Variants in LRRC70 observed in about 807,000 individuals in gnomAD.
The protein encoded by LRRC70 is leucine-rich repeat-containing protein 70.
A neutral mutation model predicts 42.4 loss-of-function variants in LRRC70; 31 were observed. The observed-to-expected ratio is 0.73, with a 90% CI of 0.55 to 0.99. The LOEUF is 0.99. Among genes scored for constraint, LRRC70 ranks in the 50% least tolerant of loss-of-function variants. LRRC70 has a pLI of 0.00. For missense variants in LRRC70, 643 were observed against 707.5 expected, an observed-to-expected ratio of 0.91 and a Z score of 1.03; for synonymous variants, 270 against 262.9, an observed-to-expected ratio of 1.03 and a Z score of -0.26.
At position 62,579,560 on chromosome 5, in the gene LRRC70, G is replaced by A. The variant is rs1485609521; in HGVS notation, c.122G>A (p.Gly41Glu). ...GCSSVCQLCT[G>E]RQINCRNLGL... is the part of the protein sequence containing the mutation. ...TCGTCTGTTTGTCAGCTCTGCACTG[G>A]GAGACAAATTAACTGCCGTAACTTA... The change falls in exon 2 of 2, where the codon GGG becomes GAG. Residue 41 changes from glycine to glutamate, a missense_variant. Transcript: ENST00000334994. 1 of 1,551,040 alleles carries A rather than the reference G, an allele frequency of 6.4e-7. No homozygotes were observed. Among genetic ancestry groups the A allele is most frequent in the Non-Finnish European group, 8.7e-7 (1 of 1,146,572 alleles).
rs1744454023 is a variant in LRRC70, at chr5:62,579,398, T to TAGA, written c.-38-1_-38insAAG. 6.5e-7 allele frequency: 1 copy of TAGA among 1,536,380 alleles called. No individual in the cohort carries two copies. Among genetic ancestry groups the TAGA allele is most frequent in the Admixed American group, 2.0e-5 (1 of 50,876 alleles). On this transcript the variant is annotated splice_polypyrimidine_tract_variant and splice_region_variant and intron_variant, in intron 1 of 1. Coordinates refer to ENST00000334994, the MANE Select transcript of LRRC70 (RefSeq NM_181506.5). ...TTTAAAGCTTTACCTTCTCTTTTTATAGCCAATTCTGATCTGAACAGAAAA... is the reference window on the plus strand; with the variant it reads ...TTTAAAGCTTTACCTTCTCTTTTTATAGAAGCCAATTCTGATCTGAACAGAAAA...
chr5:62,580,672 T>C lies in LRRC70; in HGVS notation c.1234T>C (p.Ser412Pro). The C allele has an allele frequency of 6.4e-7, 1 of 1,551,422 alleles. No homozygotes were observed. The highest frequency in any genetic ancestry group is 8.7e-7 in the Non-Finnish European group (1 of 1,146,848). ...TNCVTSSINV[S>P]RAWAVVKSPH... ...TTGTGTTACATCTTCAATAAATGTA[T>C]CCAGAGCTTGGGCTGTTGTAAAATC... is the stretch of plus-strand genomic sequence containing the variant. Residue 412 changes from serine to proline, a missense_variant, in exon 2 of 2, where the codon TCC (serine) becomes CCC (proline). Physicochemically the swap from Ser to Pro is moderately conservative, Grantham distance 74. Transcript: ENST00000334994.
In LRRC70 at chr5:62,581,298, T is replaced by C. The variant is rs1301708334; in HGVS notation, c.1860T>C (p.Ser620=). Residue 620 remains serine, a synonymous_variant, in exon 2 of 2, where the codon TCT becomes TCC. Coordinates refer to ENST00000334994, the MANE Select transcript of LRRC70 (RefSeq NM_181506.5). ...NEAQVILFEH[S]AL ...CACAGGTCATTCTTTTTGAACATTCTGCTTTATAACTCAACTAAATATTGT... is the reference window on the plus strand; with the variant it reads ...CACAGGTCATTCTTTTTGAACATTCCGCTTTATAACTCAACTAAATATTGT... 2 of 1,513,434 alleles carry C rather than the reference T, an allele frequency of 1.3e-6. No homozygotes were observed. The highest frequency in any genetic ancestry group is 2.8e-5 in the African/African-American group (2 of 71,232). 93.8% of individuals were successfully genotyped at this position (1,513,434 alleles called of 1,614,324 possible). A position where few individuals can be genotyped will look rare whatever the true frequency, so the allele number is the denominator to read the frequency against.
chr5:62,581,077 T>C lies in LRRC70; in HGVS notation c.1639T>C (p.Tyr547His). 6.5e-7 allele frequency: 1 copy of C among 1,549,476 alleles called. No homozygotes were observed. The highest frequency in any genetic ancestry group is 8.7e-7 in the Non-Finnish European group (1 of 1,146,414). The change falls in exon 2 of 2, where the codon TAC becomes CAC. Residue 547 changes from tyrosine to histidine, a missense_variant. Physicochemically the swap from Tyr to His is moderately conservative, Grantham distance 83. Transcript: ENST00000334994. ...TTGTGTTTTAATCATTTTTTTGATC[T>C]ACAAAGTTGTTCAGTTTAAACAAAA... ...LACVLIIFLI[Y>H]KVVQFKQKLK...
Position 62,579,780 on chromosome 5 carries a change from T to A in LRRC70, c.342T>A (p.Phe114Leu). 2.6e-6 allele frequency: 4 copies of A among 1,542,872 alleles called. No homozygotes were observed. Among genetic ancestry groups the A allele is most frequent in the Non-Finnish European group, 3.5e-6 (4 of 1,141,348 alleles). ...AATTGAGGCATCTATATTTTCTATT[T>A]CTAAATAATAATTTCATCAAACGCT... ...FVQLRHLYFLFLNNNFIKRLD... is the reference protein window; with the variant it reads ...FVQLRHLYFLLLNNNFIKRLD... Residue 114 changes from phenylalanine (F) to leucine (L), a missense_variant, in exon 2 of 2, where the codon TTT becomes TTA. Transcript: ENST00000334994.
In LRRC70 at chr5:62,579,477, G is replaced by A. The variant is rs1744457313; in HGVS notation, c.39G>A (p.Leu13=). ...GLQFSLPCLR[L]FLVVTCYLLL... is the part of the protein sequence containing the mutation. The stretch of plus-strand genomic sequence containing the variant: ...AGTTTTCTCTGCCTTGCCTACGACT[G>A]TTTCTGGTTGTTACCTGTTATCTTT... The change falls in exon 2 of 2, where the codon CTG becomes CTA. Residue 13 remains leucine, a synonymous_variant. Transcript: ENST00000334994. The A allele has an allele frequency of 6.4e-7, 1 of 1,550,636 alleles. No homozygotes were observed. The highest frequency in any genetic ancestry group is 1.4e-5 in the African/African-American group (1 of 72,996).
Position 62,580,863 on chromosome 5 carries a change from A to G in LRRC70, c.1425A>G (p.Pro475=). The change falls in exon 2 of 2, where the codon CCA becomes CCG. Residue 475 remains proline, a synonymous_variant. Coordinates refer to ENST00000334994, the MANE Select transcript of LRRC70 (RefSeq NM_181506.5). ...TTCAAGAGAATGCCTTTGGTAATCC[A>G]TTAGAGACTACAGCAGTGTTACCTG... ...RFFQENAFGN[P]LETTAVLPVQ... The G allele has an allele frequency of 1.9e-6, 3 of 1,551,394 alleles. No individual in the cohort carries two copies. Among genetic ancestry groups the G allele is most frequent in the Non-Finnish European group, 2.6e-6 (3 of 1,146,858 alleles).
At position 62,579,881 on chromosome 5, in the gene LRRC70, C is replaced by T; in HGVS notation, c.443C>T (p.Pro148Leu). 3.9e-6 allele frequency: 6 copies of T among 1,550,222 alleles called. No homozygotes were observed. Among genetic ancestry groups the T allele is most frequent in the South Asian group, 1.2e-5 (1 of 84,016 alleles). ...YLQYNQVSFV[P>L]RGVFNDLVSV... The stretch of plus-strand genomic sequence containing the variant: ...CAGTATAATCAGGTATCTTTTGTTC[C>T]GAGAGGAGTATTTAATGATCTAGTT... The change falls in exon 2 of 2, where the codon CCG becomes CTG. Residue 148 changes from proline to leucine, a missense_variant. Transcript: ENST00000334994.
In LRRC70 at chr5:62,579,536, C is replaced by T. The variant is rs1044629009; in HGVS notation, c.98C>T (p.Ser33Leu). Residue 33 changes from serine (S) to leucine (L), a missense_variant, in exon 2 of 2, where the codon TCG (serine) becomes TTG (leucine). By Grantham distance (145) the Ser-to-Leu change is moderately radical (BLOSUM62 -2). Coordinates refer to ENST00000334994, the MANE Select transcript of LRRC70 (RefSeq NM_181506.5). ...LLLHKEILGC[S>L]SVCQLCTGRQ... ...CTCCACAAAGAAATACTTGGATGTT[C>T]GTCTGTTTGTCAGCTCTGCACTGGG... The T allele has an allele frequency of 7.7e-6, 12 of 1,550,868 alleles. No homozygotes were observed. The highest frequency in any genetic ancestry group is 4.1e-5 in the African/African-American group (3 of 72,978).
In LRRC70 at chr5:62,579,618, A is replaced by T; in HGVS notation, c.180A>T (p.Glu60Asp). 6.4e-7 allele frequency: 1 copy of T among 1,550,928 alleles called. No individual in the cohort carries two copies. The highest frequency in any genetic ancestry group is 8.7e-7 in the Non-Finnish European group (1 of 1,146,550). Residue 60 changes from glutamate to aspartate, a missense_variant, in exon 2 of 2, where the codon GAA (glutamate) becomes GAT (aspartate). Physicochemically the swap from Glu to Asp is conservative, Grantham distance 45. Coordinates refer to ENST00000334994, the MANE Select transcript of LRRC70 (RefSeq NM_181506.5). Reference protein sequence around the residue: ...GLSSIPKNFPESTVFLYLTGN... With the variant: ...GLSSIPKNFPDSTVFLYLTGN... ...CGAGTATTCCTAAGAATTTTCCTGA[A>T]AGTACAGTTTTTCTGTATCTGACTG...
chr5:62,578,861 TGTC>T lies in LRRC70; in HGVS notation c.-110_-108del. The stretch of plus-strand genomic sequence containing the variant: ...CACAGAACAAACTGGAGTTAAGAAA[TGTC>T]GTTCTTCAGATTTAAAAAGAAAACC... On this transcript the variant is annotated 5_prime_UTR_variant, in exon 1 of 2. Transcript: ENST00000334994. 1 of 316,370 alleles carries T rather than the reference TGTC, an allele frequency of 3.2e-6. No individual in the cohort carries two copies. Among genetic ancestry groups the T allele is most frequent in the South Asian group, 2.6e-5 (1 of 38,198 alleles). 19.6% of individuals were successfully genotyped at this position (316,370 alleles called of 1,614,324 possible).
In LRRC70 at chr5:62,579,948, C is replaced by A. The variant is rs1203258037; in HGVS notation, c.510C>A (p.Val170=). The change falls in exon 2 of 2, where the codon GTC becomes GTA. Residue 170 remains valine, a synonymous_variant. Transcript: ENST00000334994. ...YLNLQRNRLT[V]LGSGTFVGMV... is the part of the protein sequence containing the mutation. ...ATCTACAAAGGAATCGCCTCACTGT[C>A]CTTGGGAGTGGTACCTTTGTTGGTA... is the stretch of plus-strand genomic sequence containing the variant. 1.9e-6 allele frequency: 3 copies of A among 1,551,074 alleles called. No individual in the cohort carries two copies. The highest frequency in any genetic ancestry group is 2.6e-6 in the Non-Finnish European group (3 of 1,146,718).
Position 62,580,958 on chromosome 5 carries a change from C to G in LRRC70, c.1520C>G (p.Ala507Gly). ...AACAGTGCTCTACCGAATGATGCTG[C>G]TTCAATGTCAGGGAAAACATCTCTA... The part of the protein sequence containing the change: ...EKNSALPNDA[A>G]SMSGKTSLIC... The change falls in exon 2 of 2, where the codon GCT (alanine) becomes GGT (glycine). Residue 507 changes from alanine to glycine, a missense_variant. Transcript: ENST00000334994. 5.8e-6 allele frequency: 9 copies of G among 1,551,152 alleles called. No individual in the cohort carries two copies. Among genetic ancestry groups the G allele is most frequent in the Non-Finnish European group, 7.8e-6 (9 of 1,146,780 alleles).
intron 1 of LRRC70, 134 bp from the exon 2 acceptor site, chr5:62,579,267 A>T: frequency 4.7e-6 from 3 of 643,718 alleles, no homozygotes; most frequent in Admixed American, 2.8e-5. Flanking sequence ...ATTTTTTGCT[A>T]TTACCATGGT....
intron 1 of LRRC70, 28 bp from the exon 2 acceptor site, chr5:62,579,373 T>C (rs1460461029): frequency 6.9e-7 from 1 of 1,452,288 alleles, no homozygotes; most frequent in African/African-American, 1.4e-5. Flanking sequence ...GTTTTCGTGA[T>C]TTAAAGCTTT....
chr5:62,579,638 T>G lies in LRRC70; in HGVS notation c.200T>G (p.Leu67Arg). ...NFPESTVFLY[L>R]TGNNISYINE... The stretch of plus-strand genomic sequence containing the variant: ...CCTGAAAGTACAGTTTTTCTGTATC[T>G]GACTGGGAATAATATATCTTATATA... Residue 67 changes from leucine to arginine, a missense_variant, in exon 2 of 2, where the codon CTG (leucine) becomes CGG (arginine). Leu to Arg is a moderately radical substitution (Grantham distance 102, BLOSUM62 -2). Transcript: ENST00000334994. 1 of 1,549,666 alleles carries G rather than the reference T, an allele frequency of 6.5e-7. No individual in the cohort carries two copies. The highest frequency in any genetic ancestry group is 8.7e-7 in the Non-Finnish European group (1 of 1,145,856).
chr5:62,580,508 A>G lies in LRRC70; in HGVS notation c.1070A>G (p.Asn357Ser), dbSNP rs1005659200. ...TCTTCATTGATTCATCTTCAGGCAA[A>G]TTCTAATCCTTGGGAATGTAACTGC... Reference protein sequence around the residue: ...PLSSLIHLQANSNPWECNCKL... With the variant: ...PLSSLIHLQASSNPWECNCKL... The change falls in exon 2 of 2, where the codon AAT becomes AGT. Residue 357 changes from asparagine (N) to serine (S), a missense_variant. Physicochemically the swap from Asn to Ser is conservative, Grantham distance 46. Transcript: ENST00000334994. 61 of 1,551,422 alleles carry G rather than the reference A, an allele frequency of 3.9e-5. No individual in the cohort carries two copies. In the African/African-American group the frequency reaches 7.7e-4, roughly 19 times the overall value.
rs538359446 is a variant in LRRC70 at position 62,581,414 on chromosome 5, G to A, written c.*107G>A. ...TAGTTGGAAATATAATGAATTATAT[G>A]AGGTTAGCATTATTAAAATATGTTT... On this transcript the variant is annotated 3_prime_UTR_variant, in exon 2 of 2. Coordinates refer to ENST00000334994, the MANE Select transcript of LRRC70 (RefSeq NM_181506.5). 2 of 866,526 alleles carry A rather than the reference G, an allele frequency of 2.3e-6. No individual in the cohort carries two copies. The highest frequency in any genetic ancestry group is 3.5e-4 in the Middle Eastern group (1 of 2,822). The allele number at this position is 866,526 out of a possible 1,614,324, so 53.7% of individuals were successfully genotyped here.
At chr5:62,579,257 AT>A (rs1159323666) in intron 1 of LRRC70, 143 bp from the exon 2 acceptor site, 5 of 621,820 alleles carry the variant, frequency 8.0e-6, no homozygotes, top group Non-Finnish European at 1.4e-5. Flanking sequence ...CATACTCATT[AT>A]TTTTTGCTAT....
Sources: gnomAD v4.1 joint callset for allele counts on GRCh38, gnomAD v4.1.1 for gene constraint, MANE v1.5 for transcripts, NCBI Gene and HGNC (gene_info 2026-07-23, HGNC 2026-07-21) for gene names.